PCDH7: variants seen among roughly 807,000 people sequenced by gnomAD.
The protein encoded by PCDH7 is protocadherin 7.
Under a neutral mutation model 58.9 loss-of-function variants are expected in PCDH7, and 17 were observed. The observed-to-expected ratio is 0.29, with a 90% confidence interval of 0.20 to 0.43. The LOEUF (loss-of-function observed/expected upper bound fraction) is 0.43, where lower values mean the gene tolerates loss of function less well. Among genes scored for constraint, PCDH7 ranks in the 20% least tolerant of loss-of-function variants. PCDH7 has a pLI of 1.00. For missense variants in PCDH7, 1,274 were observed against 1,441.0 expected, an observed-to-expected ratio of 0.88 and a Z score of 1.88; for synonymous variants, 664 against 616.4, an observed-to-expected ratio of 1.08 and a Z score of -1.14.
At chr4:30,787,069 T>C (rs760281105) in intron 1 of PCDH7, among the ~76,000 whole-genome samples, 56 of 152,030 alleles carry the variant, frequency 3.7e-4, no homozygotes, top group Non-Finnish European at 4.9e-4. Flanking sequence ...TCAATTACTG[T>C]GGGGAAACAG....
chr4:30,724,960 G>A (rs1488554885), intron 1 of PCDH7: 16 of 1,037,406 alleles, frequency 1.5e-5, no homozygotes, highest in Non-Finnish European at 1.9e-5. Flanking sequence ...TTTCTTCTGT[G>A]GCAACTAAGT....
intron 1 of PCDH7, among the ~76,000 whole-genome samples, chr4:30,821,493 G>C (rs954258055): frequency 1.3e-5 from 2 of 152,180 alleles, no homozygotes; most frequent in Admixed American, 6.5e-5. Context: ...GGCTAGACTG[G>C]TTCTGACATA....
At chr4:30,834,823 T>A (rs1730266020) in intron 1 of PCDH7, among the ~76,000 whole-genome samples, 1 of 151,926 alleles carries the variant, frequency 6.6e-6, no homozygotes, top group African/African-American at 2.4e-5. Flanking sequence ...TCTGGAGAGA[T>A]CTGATAAAAT....
chr4:31,120,885 C>T (rs1196876658), intron 3 of PCDH7, among the ~76,000 whole-genome samples: 3 of 152,162 alleles, frequency 2.0e-5, no homozygotes, highest in Non-Finnish European at 4.4e-5. Flanking sequence ...GCCTGTTTCT[C>T]TTCTTCATTC....
chr4:31,009,611 T>C (rs1239637597), intron 3 of PCDH7, among the ~76,000 whole-genome samples: 1 of 151,980 alleles, frequency 6.6e-6, no homozygotes, highest in Non-Finnish European at 1.5e-5. Context: ...TTCAACTGTT[T>C]TTTTGTTATC....
intron 3 of PCDH7, among the ~76,000 whole-genome samples, chr4:30,985,312 C>T (rs1439910313): frequency 6.6e-6 from 1 of 152,104 alleles, no homozygotes; most frequent in Non-Finnish European, 1.5e-5. Context: ...GTCAGAAGAT[C>T]TACTAATTAT....
chr4:30,922,124 G>A (rs1486908566), intron 2 of PCDH7, among the ~76,000 whole-genome samples: 5 of 151,336 alleles, frequency 3.3e-5, no homozygotes, highest in Middle Eastern at 3.5e-3. Context: ...GTGTAATTAC[G>A]TATGTGTGAT....
chr4:30,957,838 C>T (rs9995296), intron 3 of PCDH7, among the ~76,000 whole-genome samples: 93,188 of 151,918 alleles, frequency 0.61, 29,793 homozygotes, highest in African/African-American at 0.81. Flanking sequence ...AAGTTACTTT[C>T]GGCTAACGCA....
intron 1 of PCDH7, among the ~76,000 whole-genome samples, chr4:30,740,667 A>G (rs1357693879): frequency 6.6e-6 from 1 of 151,964 alleles, no homozygotes; most frequent in Non-Finnish European, 1.5e-5. Flanking sequence ...AAAAAGATAC[A>G]TGTTTTTCTC....
chr4:30,974,391 T>C lies in PCDH7; in HGVS notation c.*7+24176T>C, dbSNP rs78729798. Among the ~76,000 whole-genome samples, 9 of 151,614 alleles carry C rather than the reference T, an allele frequency of 5.9e-5. No homozygotes were observed. In the South Asian group the frequency reaches 1.9e-3, roughly 31 times the overall value. On this transcript the variant is annotated intron_variant, in intron 3 of 3. Coordinates refer to the PCDH7 transcript ENST00000509759. ...CCACTAACCATGAAAGGTTTTTTTT[T>C]CTCTCTCTTTTTAAATTTAGGTGTG...
At chr4:30,883,236 A>T (rs1578157930) in intron 1 of PCDH7, among the ~76,000 whole-genome samples, 1 of 152,348 alleles carries the variant, frequency 6.6e-6, no homozygotes, top group East Asian at 1.9e-4. Context: ...AAAACCTAGG[A>T]ACATAAAATT....
At chr4:30,935,268 G>A in intron 2 of PCDH7, 1 of 790,410 alleles carries the variant, frequency 1.3e-6, no homozygotes, top group Non-Finnish European at 1.5e-6. Context: ...GACTTGCAAT[G>A]TTCATAATAT....
At chr4:30,951,943 C>T (rs1276255103) in intron 3 of PCDH7, among the ~76,000 whole-genome samples, 1 of 152,086 alleles carries the variant, frequency 6.6e-6, no homozygotes, top group African/African-American at 2.4e-5. Context: ...GTATTTGTTA[C>T]TCACTAAATG....
rs191918031 is a variant in PCDH7 at position 31,058,257 on chromosome 4, C to A, written c.*8-84216C>A. On this transcript the variant is annotated intron_variant, in intron 3 of 3. Transcript: ENST00000509759. ...ATTCTGTGCAAGGAATTGGGTGATA[C>A]CCATTTTCACTTAAAGAGTTTTTAC... Among the ~76,000 whole-genome samples, 17 of 152,118 alleles carry A rather than the reference C, an allele frequency of 1.1e-4. No homozygotes were observed. The East Asian group carries it at 2.9e-3, about 26-fold the overall frequency.
At chr4:30,933,288 G>C (rs572453198) in intron 2 of PCDH7, among the ~76,000 whole-genome samples, 12 of 152,234 alleles carry the variant, frequency 7.9e-5, no homozygotes, top group African/African-American at 2.2e-4. Flanking sequence ...GCCTCCCAAA[G>C]TGCTGGGAGT....
chr4:30,937,749 A>C (rs990912858), intron 2 of PCDH7, among the ~76,000 whole-genome samples: 2 of 152,034 alleles, frequency 1.3e-5, no homozygotes, highest in Non-Finnish European at 2.9e-5. Flanking sequence ...AGCTGGAGCT[A>C]GCATTTAAAA....
intron 3 of PCDH7, among the ~76,000 whole-genome samples, chr4:31,067,651 G>A (rs573359422): frequency 1.2e-3 from 189 of 152,018 alleles, no homozygotes; most frequent in Non-Finnish European, 2.2e-3. Flanking sequence ...TATGAAATGA[G>A]TAAGAAGTAA....
At chr4:30,965,026 T>C (rs1748873569) in intron 3 of PCDH7, among the ~76,000 whole-genome samples, 1 of 152,204 alleles carries the variant, frequency 6.6e-6, no homozygotes, top group Non-Finnish European at 1.5e-5. Flanking sequence ...TGGCATGCTC[T>C]AGAATCCATA....
rs183454104 is a variant in PCDH7 at position 30,856,604 on chromosome 4, C to T, written c.71-63549C>T. 9.7e-4 allele frequency among the ~76,000 whole-genome samples: 147 copies of T among 151,072 alleles called. 1 individual carries two copies. The highest frequency in any genetic ancestry group is 3.4e-3 in the African/African-American group (141 of 41,250). On this transcript the variant is annotated intron_variant, in intron 1 of 3. Coordinates refer to the PCDH7 transcript ENST00000509759. The stretch of plus-strand genomic sequence containing the variant: ...ATATAAAATCACAATTTGATACATA[C>T]GTGTATAGGCACTCTATTCATGCTT...
Sources: gnomAD v4.1 joint callset for allele counts (sites outside exome capture counted in the v4.1 genomes callset) on GRCh38, gnomAD v4.1.1 for gene constraint, MANE v1.5 for transcripts, NCBI Gene and HGNC (gene_info 2026-07-23, HGNC 2026-07-21) for gene names.